Variants in GDI2 observed in about 807,000 individuals in gnomAD.
The protein encoded by GDI2 is GDP dissociation inhibitor 2, also known as rab GDP dissociation inhibitor beta.
GDI2 carries 22 observed loss-of-function variants against 54.2 expected under a neutral mutation model. The ratio of observed to expected loss-of-function variants is 0.41; its 90% CI spans 0.29 to 0.58. The LOEUF is 0.58. Among genes scored for constraint, GDI2 ranks in the 20% least tolerant of loss-of-function variants. GDI2 has a pLI of 0.35. For synonymous variants in GDI2, 177 were observed against 182.1 expected, an observed-to-expected ratio of 0.97 and a Z score of 0.23; for missense variants, 422 against 546.0, an observed-to-expected ratio of 0.77 and a Z score of 2.26.
At chr10:5,803,213 TTGGA>T (rs1841307526) in intron 1 of GDI2, among the ~76,000 whole-genome samples, 2 of 152,046 alleles carry the variant, frequency 1.3e-5, no homozygotes, top group Admixed American at 6.6e-5. Flanking sequence ...AGCCCAGGAG[TTGGA>T]TGGAGACCAG....
rs761309123 is a variant in GDI2, at chr10:5,794,926, A to G, written c.347T>C (p.Ile116Thr). ...TGCTTCAGTGGAAGGAACCTTGTAGATTTTTCCACCCTTATAGACAAAGCT... is the reference window on the plus strand; with the variant it reads ...TGCTTCAGTGGAAGGAACCTTGTAGGTTTTTCCACCCTTATAGACAAAGCT... ...EGSFVYKGGK[I>T]YKVPSTEAEA... is the part of the protein sequence containing the mutation. The change falls in exon 4 of 11, where the codon ATC becomes ACC. Residue 116 changes from isoleucine to threonine, a missense_variant. Coordinates refer to ENST00000380191, the MANE Select transcript of GDI2 (RefSeq NM_001494.4). 6.2e-7 allele frequency: 1 copy of G among 1,606,774 alleles called. No individual in the cohort carries two copies. The highest frequency in any genetic ancestry group is 8.5e-7 in the Non-Finnish European group (1 of 1,173,316).
intron 4 of GDI2, among the ~76,000 whole-genome samples, chr10:5,791,416 C>T (rs1039618219): frequency 2.0e-5 from 3 of 152,180 alleles, no homozygotes; most frequent in African/African-American, 4.8e-5. Context: ...TTAAGACCAG[C>T]CTGGCCAACA....
At chr10:5,791,429 G>A (rs566843632) in intron 4 of GDI2, among the ~76,000 whole-genome samples, 110 of 152,232 alleles carry the variant, frequency 7.2e-4, no homozygotes, top group South Asian at 3.7e-3. Flanking sequence ...GGCCAACATG[G>A]CGAAACCCGG....
At chr10:5,777,948 T>C (rs1362419414) in intron 6 of GDI2, among the ~76,000 whole-genome samples, 1 of 152,206 alleles carries the variant, frequency 6.6e-6, no homozygotes, top group African/African-American at 2.4e-5. Context: ...TGGAATACTA[T>C]GCAGCCATAA....
At chr10:5,777,076 C>T (rs1588970203) in intron 6 of GDI2, among the ~76,000 whole-genome samples, 1 of 152,194 alleles carries the variant, frequency 6.6e-6, no homozygotes. Flanking sequence ...ACTTAGTACA[C>T]ACTAAATTCA....
Position 5,813,390 on chromosome 10 carries a change from G to A in GDI2, c.-132C>T, listed in dbSNP as rs2131729179. On this transcript the variant is annotated 5_prime_UTR_variant, in exon 1 of 11. Transcript: ENST00000380191. ...AGAAAGAGAGGAAAATGGAGCTGGC[G>A]ACAAGGCGAGACCGACCGCCACCTC... 3 of 531,928 alleles carry A rather than the reference G, an allele frequency of 5.6e-6. No homozygotes were observed. Among genetic ancestry groups the A allele is most frequent in the Middle Eastern group, 2.9e-4 (1 of 3,390 alleles). 33.0% of individuals were successfully genotyped at this position (531,928 alleles called of 1,614,324 possible).
chr10:5,769,496 G>C (rs1041513108), intron 7 of GDI2: 11 of 151,976 alleles, frequency 7.2e-5, no homozygotes, highest in African/African-American at 2.7e-4. Context: ...GCTTGAATCT[G>C]GGAGATGGAG....
chr10:5,784,835 G>A (rs956048384), intron 6 of GDI2, among the ~76,000 whole-genome samples: 49 of 152,198 alleles, frequency 3.2e-4, no homozygotes, highest in African/African-American at 1.2e-3. Flanking sequence ...GAGGTAACAG[G>A]GGTGTGAAGT....
intron 6 of GDI2, among the ~76,000 whole-genome samples, chr10:5,780,406 G>C (rs557600830): frequency 6.6e-6 from 1 of 151,900 alleles, no homozygotes; most frequent in South Asian, 2.1e-4. Context: ...ACATTATCAG[G>C]AAGTCCTAAC....
At chr10:5,807,430 C>G (rs1841399605) in intron 1 of GDI2, among the ~76,000 whole-genome samples, 2 of 152,182 alleles carry the variant, frequency 1.3e-5, no homozygotes, top group South Asian at 4.1e-4. Flanking sequence ...AACCACGAAA[C>G]TTGTATGTGA....
intron 6 of GDI2, among the ~76,000 whole-genome samples, chr10:5,779,824 C>G (rs1411054859): frequency 6.6e-6 from 1 of 151,854 alleles, no homozygotes; most frequent in Non-Finnish European, 1.5e-5. Flanking sequence ...TCCCGAATAG[C>G]TGGGACTACA....
intron 6 of GDI2, among the ~76,000 whole-genome samples, chr10:5,782,407 T>C (rs1840779453): frequency 6.6e-6 from 1 of 152,198 alleles, no homozygotes; most frequent in Non-Finnish European, 1.5e-5. Context: ...GAACACTGTT[T>C]TACAGTTTCT....
intron 6 of GDI2, among the ~76,000 whole-genome samples, chr10:5,775,698 G>A (rs984912131): frequency 6.6e-6 from 1 of 152,182 alleles, no homozygotes; most frequent in Non-Finnish European, 1.5e-5. Flanking sequence ...GGCTCAAAGA[G>A]GTTAGCAGAG....
chr10:5,808,326 AAAAC>A (rs768963526), intron 1 of GDI2, among the ~76,000 whole-genome samples: 2 of 152,030 alleles, frequency 1.3e-5, no homozygotes, highest in African/African-American at 2.4e-5. Flanking sequence ...CCCTGTCTCA[AAAAC>A]AAACAAACAA....
At chr10:5,803,241 G>A (rs1363872332) in intron 1 of GDI2, among the ~76,000 whole-genome samples, 1 of 152,162 alleles carries the variant, frequency 6.6e-6, no homozygotes, top group African/African-American at 2.4e-5. Flanking sequence ...GGGCAACAGG[G>A]CAAAACCCTA....
intron 6 of GDI2, among the ~76,000 whole-genome samples, chr10:5,778,138 G>T (rs1840667342): frequency 6.6e-6 from 1 of 152,156 alleles, no homozygotes; most frequent in Non-Finnish European, 1.5e-5. Context: ...CCTGTCAGGG[G>T]ATGGGGGCTA....
intron 5 of GDI2, 93 bp from the exon 6 acceptor site, chr10:5,785,366 ATCT>A (rs147494782): frequency 0.2 from 177,883 of 904,468 alleles, 19,761 homozygotes; most frequent in Admixed American, 0.24. Flanking sequence ...TCAATCCGCT[ATCT>A]TCTTTTTTGT....
At position 5,768,179 on chromosome 10, in the gene GDI2, A is replaced by G. The variant is rs1318197679; in HGVS notation, c.991+34T>C. On this transcript the variant is annotated intron_variant, in intron 8 of 10. Transcript: ENST00000380191. This position sits in a 1 kb window ranked among gnomAD's most constrained non-coding sequence, Gnocchi z 4.4. The stretch of plus-strand genomic sequence containing the variant: ...CACAAAGCAAATTATATCTTACAAA[A>G]TTCTACCAACATCTGCTGGTCTTCA... The G allele has an allele frequency of 1.3e-6, 2 of 1,568,328 alleles. No individual in the cohort carries two copies. The highest frequency in any genetic ancestry group is 2.2e-5 in the South Asian group (2 of 89,570).
intron 1 of GDI2, among the ~76,000 whole-genome samples, chr10:5,800,988 T>C (rs1007467098): frequency 1.3e-5 from 2 of 152,140 alleles, no homozygotes; most frequent in African/African-American, 2.4e-5. Flanking sequence ...TTCACTCTTC[T>C]TGCCCAGGCA....
Sources: allele counts gnomAD v4.1 joint callset (sites outside exome capture counted in the v4.1 genomes callset), GRCh38; gene constraint gnomAD v4.1.1; non-coding constraint Gnocchi (gnomAD v3.1); transcripts MANE v1.5; gene names NCBI Gene and HGNC (gene_info 2026-07-23, HGNC 2026-07-21).